MYSM1: variants seen among roughly 807,000 people sequenced by gnomAD.
MYSM1 encodes the protein Myb like, SWIRM and MPN domains 1, also known as deubiquitinase MYSM1.
In MYSM1, 51 loss-of-function variants were observed where a neutral mutation model predicts 116.0. The ratio of observed to expected loss-of-function variants is 0.44; its 90% CI spans 0.35 to 0.56. The LOEUF is 0.56. MYSM1 is among the 20% of genes least tolerant of loss of function. The pLI, the probability that MYSM1 is intolerant of heterozygous loss-of-function variation, is 0.00. For missense variants in MYSM1, 900 were observed against 974.9 expected (o/e 0.92, Z 1.02); for synonymous variants, 313 against 315.2 (o/e 0.99, Z 0.07).
At chr1:58,698,958 C>T (rs544395247) in intron 1 of MYSM1, among the ~76,000 whole-genome samples, 114 of 152,258 alleles carry the variant, frequency 7.5e-4, no homozygotes, top group Non-Finnish European at 1.3e-3. Context: ...TAATATTAGG[C>T]TGAACTACAT....
intron 19 of MYSM1, among the ~76,000 whole-genome samples, chr1:58,660,386 G>C (rs1644373271): frequency 6.6e-6 from 1 of 152,090 alleles, no homozygotes; most frequent in Admixed American, 6.6e-5. Context: ...TACATAAGGA[G>C]ACAAACCTGA....
intron 2 of MYSM1, 59 bp downstream of exon 2, chr1:58,695,070 A>C (rs2064373): frequency 0.13 from 116,777 of 923,904 alleles, 8,814 homozygotes; most frequent in African/African-American, 0.22. Context: ...AAAAAAGAAG[A>C]AGCACTCTAG....
chr1:58,659,971 A>G lies in MYSM1; in HGVS notation c.*26T>C, dbSNP rs370871667. 24 of 1,390,846 alleles carry G rather than the reference A, an allele frequency of 1.7e-5. No individual in the cohort carries two copies. The Admixed American group carries it at 2.8e-4, about 16-fold the overall frequency. The allele number at this position is 1,390,846 out of a possible 1,614,324, so 86.2% of individuals were successfully genotyped here. On this transcript the variant is annotated 3_prime_UTR_variant, in exon 20 of 20. Coordinates refer to ENST00000472487, the MANE Select transcript of MYSM1 (RefSeq NM_001085487.3). ...TGAAAGTAAGATCTACTGTGTCAAG[A>G]TTAAAATGTCTTAACTTTAAAATAA...
At position 58,699,996 on chromosome 1, in the gene MYSM1, C is replaced by T. The variant is rs1379252711; in HGVS notation, c.57G>A (p.Gly19=). 1 of 1,613,512 alleles carries T rather than the reference C, an allele frequency of 6.2e-7. No homozygotes were observed. The highest frequency in any genetic ancestry group is 8.5e-7 in the Non-Finnish European group (1 of 1,180,014). ...DIEGDVVAAA[G]AQPGSGENTA... ...TCTCTAAGCCTCACCCTGGCTGTGC[C>T]CCCGCCGCCGCTACCACGTCCCCTT... Residue 19 remains glycine, a synonymous_variant, in exon 1 of 20, where the codon GGG becomes GGA. Coordinates refer to ENST00000472487, the MANE Select transcript of MYSM1 (RefSeq NM_001085487.3).
At chr1:58,668,263 C>CA (rs1644504689) in intron 14 of MYSM1, among the ~76,000 whole-genome samples, 1 of 152,144 alleles carries the variant, frequency 6.6e-6, no homozygotes, top group Non-Finnish European at 1.5e-5. Flanking sequence ...TACACAAAGA[C>CA]ATCACAAACA....
Position 58,676,984 on chromosome 1 carries a change from A to G in MYSM1, c.1332T>C (p.Asn444=). ...GGTATGTATGAATCCGTCCAATACA[A>G]TTAACATCTCCACAGTTCTTCAGGC... ...RPGLKNCGDV[N]CIGRIHTYLE... is the part of the protein sequence containing the mutation. Residue 444 remains asparagine, a synonymous_variant, in exon 9 of 20, where the codon AAT becomes AAC. Transcript: ENST00000472487. The G allele has an allele frequency of 6.2e-7, 1 of 1,612,452 alleles. No individual in the cohort carries two copies. The highest frequency in any genetic ancestry group is 8.5e-7 in the Non-Finnish European group (1 of 1,179,294).
Position 58,657,169 on chromosome 1 carries a change from T to A in MYSM1, c.*2828A>T, listed in dbSNP as rs1274580604. 6.6e-6 allele frequency: 1 copy of A among 151,890 alleles called. No homozygotes were observed. The highest frequency in any genetic ancestry group is 1.5e-5 in the Non-Finnish European group (1 of 68,006). The allele number at this position is 151,890 out of a possible 1,614,324, so 9.4% of individuals were successfully genotyped here. A position where few individuals can be genotyped will look rare whatever the true frequency, so the allele number is the denominator to read the frequency against. On this transcript the variant is annotated 3_prime_UTR_variant, in exon 20 of 20. Transcript: ENST00000472487. Reference sequence around the variant, plus strand: ...TTCCACTGGTTTTTCTTTTCTTGAATGTTACTTTGGAATTAGATTAAGTCT... The same window carrying A: ...TTCCACTGGTTTTTCTTTTCTTGAAAGTTACTTTGGAATTAGATTAAGTCT...
chr1:58,659,142 A>G lies in MYSM1; in HGVS notation c.*855T>C, dbSNP rs1273009076. 2 of 152,090 alleles carry G rather than the reference A, an allele frequency of 1.3e-5. No individual in the cohort carries two copies. Among genetic ancestry groups the G allele is most frequent in the Non-Finnish European group, 2.9e-5 (2 of 68,016 alleles). 9.4% of individuals were successfully genotyped at this position (152,090 alleles called of 1,614,324 possible). ...GGCTGAATATGTAACATGTCCTGAA[A>G]GGCTTGTTTTAAAAATTAAATCTCT... On this transcript the variant is annotated 3_prime_UTR_variant, in exon 20 of 20. Transcript: ENST00000472487.
intron 18 of MYSM1, 65 bp from the exon 19 acceptor site, chr1:58,661,292 A>G: frequency 2.1e-6 from 3 of 1,411,898 alleles, no homozygotes; most frequent in South Asian, 1.2e-5. Flanking sequence ...GTTTCATAAT[A>G]AACTATCACG....
intron 1 of MYSM1, 72 bp from the exon 2 acceptor site, chr1:58,695,279 G>T: frequency 1.1e-6 from 1 of 922,980 alleles, no homozygotes; most frequent in Non-Finnish European, 1.7e-6. Context: ...ACACAGCACA[G>T]AATCCAGCAG....
At chr1:58,663,919 G>C (rs190546585) in intron 17 of MYSM1, among the ~76,000 whole-genome samples, 1 of 152,140 alleles carries the variant, frequency 6.6e-6, no homozygotes, top group East Asian at 1.9e-4. Context: ...AGGGTAATGT[G>C]GGGCTCTTTT....
chr1:58,667,801 A>G (rs773586434), intron 15 of MYSM1, 46 bp downstream of exon 15: 25 of 1,069,890 alleles, frequency 2.3e-5, no homozygotes, highest in Non-Finnish European at 3.7e-5. Flanking sequence ...TTGGTATGGT[A>G]GTAGGACTAA....
At chr1:58,676,742 G>A (rs765408025) in intron 9 of MYSM1, 184 bp downstream of exon 9, 5 of 442,456 alleles carry the variant, frequency 1.1e-5, no homozygotes, top group African/African-American at 4.2e-5. Flanking sequence ...TTTCAGTGTA[G>A]GTCAAATGAA....
At chr1:58,662,309 T>G (rs1231418921) in intron 17 of MYSM1, among the ~76,000 whole-genome samples, 2 of 152,168 alleles carry the variant, frequency 1.3e-5, no homozygotes, top group African/African-American at 4.8e-5. Flanking sequence ...AAGACCCCCA[T>G]GCAAATGCAT....
chr1:58,657,358 T>G lies in MYSM1; in HGVS notation c.*2639A>C, dbSNP rs1022869718. 6.6e-6 allele frequency: 1 copy of G among 152,130 alleles called. No homozygotes were observed. Among genetic ancestry groups the G allele is most frequent in the African/African-American group, 2.4e-5 (1 of 41,422 alleles). 9.4% of individuals were successfully genotyped at this position (152,130 alleles called of 1,614,324 possible). A position where few individuals can be genotyped will look rare whatever the true frequency, so the allele number is the denominator to read the frequency against. ...GTCCTTTCTCCACTTCTGTAAACATTATTAAAGGCAGGTGTTCCTTTGAGA... is the reference window on the plus strand; with the variant it reads ...GTCCTTTCTCCACTTCTGTAAACATGATTAAAGGCAGGTGTTCCTTTGAGA... On this transcript the variant is annotated 3_prime_UTR_variant, in exon 20 of 20. Transcript: ENST00000472487.
At chr1:58,681,527 G>A (rs2100647580) in intron 8 of MYSM1, among the ~76,000 whole-genome samples, 1 of 152,250 alleles carries the variant, frequency 6.6e-6, no homozygotes, top group East Asian at 1.9e-4. Flanking sequence ...CGCTGTCCTA[G>A]GAGACTGCTT....
intron 5 of MYSM1, 188 bp from the exon 6 acceptor site, chr1:58,689,304 G>T: frequency 1.9e-6 from 1 of 525,962 alleles, no homozygotes; most frequent in Non-Finnish European, 3.3e-6. Context: ...CCTGTCACGT[G>T]TCTCTAGCTC....
chr1:58,681,705 C>T (rs1380706083), intron 8 of MYSM1, 80 bp downstream of exon 8: 1 of 1,360,440 alleles, frequency 7.4e-7, no homozygotes, highest in Non-Finnish European at 9.8e-7. Flanking sequence ...TAGCAAAATT[C>T]TAAATTCTGT....
At chr1:58,674,649 C>T (rs1162061937) in intron 10 of MYSM1, among the ~76,000 whole-genome samples, 2 of 151,910 alleles carry the variant, frequency 1.3e-5, no homozygotes, top group Admixed American at 1.3e-4. Flanking sequence ...GGATCGGCTG[C>T]ACACGGTGGC....
Sources: gnomAD v4.1 joint callset for allele counts (sites outside exome capture counted in the v4.1 genomes callset) on GRCh38, gnomAD v4.1.1 for gene constraint, MANE v1.5 for transcripts, NCBI Gene and HGNC (gene_info 2026-07-23, HGNC 2026-07-21) for gene names.